CFAP100: variants seen among roughly 807,000 people sequenced by gnomAD.
CFAP100 encodes the protein cilia and flagella associated protein 100.
CFAP100 carries 70 observed loss-of-function variants against 81.5 expected under a neutral mutation model. The observed-to-expected ratio is 0.86, with a 90% CI of 0.71 to 1.05. CFAP100 has a LOEUF of 1.05. Ranked by LOEUF, CFAP100 falls within the 50% of genes least tolerant of loss-of-function variation. The pLI is 0.00. For synonymous variants in CFAP100, 341 were observed against 314.8 expected, an observed-to-expected ratio of 1.08 and a Z score of -0.88; for missense variants, 811 against 776.5, an observed-to-expected ratio of 1.04 and a Z score of -0.53.
chr3:126,431,659 T>C (rs554362764), intron 13 of CFAP100, among the ~76,000 whole-genome samples: 1 of 152,346 alleles, frequency 6.6e-6, no homozygotes, highest in African/African-American at 2.4e-5. Context: ...ACCATCTTGC[T>C]GATGCTATTC....
At chr3:126,436,125 C>T (rs894578140) in intron 16 of CFAP100, among the ~76,000 whole-genome samples, 166 bp from the exon 17 acceptor site, 1 of 152,232 alleles carries the variant, frequency 6.6e-6, no homozygotes, top group Non-Finnish European at 1.5e-5. Context: ...GGCAGACTCA[C>T]ACCCCCAGTT....
At chr3:126,401,397 TTATATATATATA>T (rs58055481) in intron 2 of CFAP100, among the ~76,000 whole-genome samples, 5,087 of 76,132 alleles carry the variant, frequency 0.067, 201 homozygotes, top group South Asian at 0.11. Context: ...AAATCGTATT[TTATATATATATA>T]TATATATATA....
Position 126,423,485 on chromosome 3 carries a change from G to C in CFAP100, c.1135-8G>C, listed in dbSNP as rs747311919. The C allele has an allele frequency of 1.2e-6, 2 of 1,613,992 alleles. No individual in the cohort carries two copies. Among genetic ancestry groups the C allele is most frequent in the South Asian group, 2.2e-5 (2 of 91,072 alleles). ...TGTCCAGTCCCTGCCAAAACCTGTGGGTTGCAGGAACCACAGCTGTACTTC... is the reference window on the plus strand; with the variant it reads ...TGTCCAGTCCCTGCCAAAACCTGTGCGTTGCAGGAACCACAGCTGTACTTC... On this transcript the variant is annotated splice_region_variant and splice_polypyrimidine_tract_variant and intron_variant, in intron 12 of 16. Transcript: ENST00000352312.
intron 5 of CFAP100, 97 bp downstream of exon 5, chr3:126,416,605 C>G: frequency 9.4e-7 from 1 of 1,069,080 alleles, no homozygotes; most frequent in Non-Finnish European, 1.3e-6. Context: ...TCATCTTGCA[C>G]AGATGGGAAG....
At chr3:126,421,870 C>T (rs2083337493) in intron 11 of CFAP100, among the ~76,000 whole-genome samples, 1 of 152,266 alleles carries the variant, frequency 6.6e-6, no homozygotes, top group Non-Finnish European at 1.5e-5. Context: ...CACCATGACG[C>T]CCTGCTGGTG....
At position 126,419,060 on chromosome 3, in the gene CFAP100, G is replaced by A. The variant is rs371688791; in HGVS notation, c.651-16G>A. 372 of 182,742 alleles carry A rather than the reference G, an allele frequency of 2.0e-3. 1 individual carries two copies. Among genetic ancestry groups the A allele is most frequent in the Non-Finnish European group, 3.2e-3 (346 of 109,054 alleles). 11.3% of individuals were successfully genotyped at this position (182,742 alleles called of 1,614,324 possible). On this transcript the variant is annotated splice_polypyrimidine_tract_variant and intron_variant, in intron 7 of 16. Transcript: ENST00000352312. ...CCCTTGCCCCCATCCCTCCTCCCCC[G>A]CCGCCCAACCCCTAGGGCTGAGAAG...
chr3:126,419,733 A>G lies in CFAP100; in HGVS notation c.828A>G (p.Glu276=). 6.2e-7 allele frequency: 1 copy of G among 1,614,102 alleles called. No homozygotes were observed. Among genetic ancestry groups the G allele is most frequent in the African/African-American group, 1.3e-5 (1 of 75,070 alleles). Residue 276 remains glutamate, a synonymous_variant, in exon 9 of 17, where the codon GAA becomes GAG. Transcript: ENST00000352312. ...CCAAGGAGTGGCTTGAAGAACAGGAAAAGAAACACTCGTTTCTCAAAAAGG... is the reference window on the plus strand; with the variant it reads ...CCAAGGAGTGGCTTGAAGAACAGGAGAAGAAACACTCGTTTCTCAAAAAGG... ...LSPKEWLEEQ[E]KKHSFLKKAK...
chr3:126,415,944 G>C (rs950488348), intron 4 of CFAP100, among the ~76,000 whole-genome samples: 17 of 152,200 alleles, frequency 1.1e-4, no homozygotes, highest in Non-Finnish European at 1.8e-4. Context: ...GTAGTCTTCG[G>C]GAACCCCAGA....
At chr3:126,424,702 CAACA>C (rs1261307166) in intron 13 of CFAP100, among the ~76,000 whole-genome samples, 2 of 152,266 alleles carry the variant, frequency 1.3e-5, no homozygotes, top group African/African-American at 4.8e-5. Flanking sequence ...GCAGCAGATA[CAACA>C]AACAGATCCA....
intron 13 of CFAP100, among the ~76,000 whole-genome samples, chr3:126,423,857 G>C (rs114672366): frequency 6.6e-6 from 1 of 152,312 alleles, no homozygotes; most frequent in African/African-American, 2.4e-5. Flanking sequence ...CCAGGCACCC[G>C]TGCCCACCCT....
intron 7 of CFAP100, 38 bp downstream of exon 7, chr3:126,418,812 C>T (rs754923052): frequency 1.1e-5 from 17 of 1,535,862 alleles, no homozygotes; most frequent in Non-Finnish European, 1.4e-5. Context: ...TGGGCAATGC[C>T]GAACCCCCAC....
intron 2 of CFAP100, among the ~76,000 whole-genome samples, chr3:126,404,201 C>T (rs368279115): frequency 2.0e-5 from 3 of 152,110 alleles, no homozygotes; most frequent in Admixed American, 6.6e-5. Flanking sequence ...TTAGAGTGAC[C>T]GTTTCTGGTG....
At chr3:126,409,999 G>A (rs543561740) in intron 3 of CFAP100, among the ~76,000 whole-genome samples, 39 of 152,282 alleles carry the variant, frequency 2.6e-4, no homozygotes, top group African/African-American at 5.8e-4. Context: ...TCAGGAGTTC[G>A]AGACCAGCCT....
chr3:126,436,171 C>G, intron 16 of CFAP100, 120 bp from the exon 17 acceptor site: 1 of 685,658 alleles, frequency 1.5e-6, no homozygotes, highest in African/African-American at 1.8e-5. Flanking sequence ...GCCTGCAGGG[C>G]TGACCAGAGT....
intron 7 of CFAP100, 88 bp downstream of exon 7, chr3:126,418,862 C>T: frequency 1.4e-6 from 2 of 1,428,768 alleles, no homozygotes; most frequent in Non-Finnish European, 1.9e-6. Context: ...CCAGCCTCTG[C>T]CCCCAGCCCC....
At chr3:126,414,214 A>G in intron 4 of CFAP100, 35 bp downstream of exon 4, 1 of 1,493,936 alleles carries the variant, frequency 6.7e-7, no homozygotes, top group Non-Finnish European at 9.3e-7. Flanking sequence ...CACCTCCGGG[A>G]GCTTCCCTGC....
At chr3:126,432,989 TGTA>T in intron 13 of CFAP100, 77 bp from the exon 14 acceptor site, 1 of 1,548,326 alleles carries the variant, frequency 6.5e-7, no homozygotes, top group Non-Finnish European at 8.8e-7. Flanking sequence ...GGCAAAGCAC[TGTA>T]CAGACAGGCT....
intron 3 of CFAP100, among the ~76,000 whole-genome samples, chr3:126,411,484 T>C (rs1195509156): frequency 6.6e-6 from 1 of 150,930 alleles, no homozygotes; most frequent in East Asian, 2.0e-4. Flanking sequence ...TTTAGTAGGA[T>C]TGGTACCAAT....
chr3:126,433,802 T>C (rs1933338289), intron 14 of CFAP100: 1 of 222,328 alleles, frequency 4.5e-6, no homozygotes, highest in Non-Finnish European at 9.0e-6. Flanking sequence ...TCTCTCCTCA[T>C]ATAGCCCACA....
Sources: gnomAD v4.1 joint callset for allele counts (sites outside exome capture counted in the v4.1 genomes callset) on GRCh38, gnomAD v4.1.1 for gene constraint, MANE v1.5 for transcripts, NCBI Gene and HGNC (gene_info 2026-07-23, HGNC 2026-07-21) for gene names.